ACSL5: variants seen among roughly 807,000 people sequenced by gnomAD.
The protein encoded by ACSL5 is long-chain-fatty-acid--CoA ligase 5.
In ACSL5, 50 loss-of-function variants were observed where a neutral mutation model predicts 84.9. The observed-to-expected ratio is 0.59, with a 90% CI of 0.47 to 0.75. The LOEUF (loss-of-function observed/expected upper bound fraction) is 0.75. Ranked by LOEUF, ACSL5 falls within the 30% of genes least tolerant of loss-of-function variation. The pLI, the probability that ACSL5 is intolerant of heterozygous loss-of-function variation, is 0.00. For synonymous variants in ACSL5, 280 were observed against 300.7 expected (o/e 0.93, Z 0.71); for missense variants, 775 against 830.4 (o/e 0.93, Z 0.82).
At chr10:112,390,457 G>A (rs1261668016) in intron 1 of ACSL5, among the ~76,000 whole-genome samples, 1 of 152,186 alleles carries the variant, frequency 6.6e-6, no homozygotes, top group Non-Finnish European at 1.5e-5. Context: ...TGCAGCTACT[G>A]TGGAAAACAC....
chr10:112,409,488 G>T lies in ACSL5; in HGVS notation c.533-19G>T. 1 of 1,611,462 alleles carries T rather than the reference G, an allele frequency of 6.2e-7. No individual in the cohort carries two copies. The highest frequency in any genetic ancestry group is 8.5e-7 in the Non-Finnish European group (1 of 1,179,050). ...TAGCAGAGAGAGGGAATGACCTCTG[G>T]TTCTATTTTGGCTTCCAGCTGATAT... On this transcript the variant is annotated intron_variant, in intron 6 of 20. Coordinates refer to ENST00000354655, the MANE Select transcript of ACSL5 (RefSeq NM_203379.2).
At chr10:112,382,722 C>T (rs1172639349) in intron 1 of ACSL5, among the ~76,000 whole-genome samples, 4 of 152,208 alleles carry the variant, frequency 2.6e-5, no homozygotes, top group Non-Finnish European at 5.9e-5. Context: ...TGTCTGAAGC[C>T]TAGACTCTTA....
intron 1 of ACSL5, among the ~76,000 whole-genome samples, chr10:112,377,158 C>CT (rs1564728155): frequency 6.6e-6 from 1 of 151,894 alleles, no homozygotes; most frequent in Admixed American, 6.6e-5. Flanking sequence ...AGATATCAGC[C>CT]TTTTTTTGGT....
chr10:112,408,856 C>T (rs1043053070), intron 6 of ACSL5: 3 of 195,636 alleles, frequency 1.5e-5, no homozygotes, highest in African/African-American at 2.3e-5. Context: ...AGTAAAGCTA[C>T]AGATTTAATT....
rs557174813 is a variant in ACSL5, at chr10:112,377,482, C to T, written c.-30+3213C>T. Among the ~76,000 whole-genome samples, 6 of 152,212 alleles carry T rather than the reference C, an allele frequency of 3.9e-5. No individual in the cohort carries two copies. The South Asian group carries it at 8.3e-4, about 21-fold the overall frequency. ...CTAGGAGGCGGAGGTTGCAGTGAGCCGAGATGGCACCACTGCACTCCAGTT... is the reference window on the plus strand; with the variant it reads ...CTAGGAGGCGGAGGTTGCAGTGAGCTGAGATGGCACCACTGCACTCCAGTT... On this transcript the variant is annotated intron_variant, in intron 1 of 20. Coordinates refer to ENST00000354655, the MANE Select transcript of ACSL5 (RefSeq NM_203379.2).
At chr10:112,388,269 C>T (rs1466075671) in intron 1 of ACSL5, among the ~76,000 whole-genome samples, 1 of 152,186 alleles carries the variant, frequency 6.6e-6, no homozygotes, top group Non-Finnish European at 1.5e-5. Context: ...GCTGGACTTT[C>T]TACCTACTTA....
intron 1 of ACSL5, among the ~76,000 whole-genome samples, chr10:112,388,809 C>T (rs761266502): frequency 5.9e-5 from 9 of 152,024 alleles, no homozygotes; most frequent in Non-Finnish European, 1.2e-4. Context: ...AGTGAGCCTC[C>T]GAGGAAGTGA....
chr10:112,391,583 A>G (rs930004307), intron 1 of ACSL5, among the ~76,000 whole-genome samples: 2 of 152,174 alleles, frequency 1.3e-5, no homozygotes, highest in Admixed American at 1.3e-4. Context: ...ATGTGTAAAT[A>G]TCTCCCTTGT....
At chr10:112,384,959 C>A (rs1849421476) in intron 1 of ACSL5, among the ~76,000 whole-genome samples, 1 of 152,190 alleles carries the variant, frequency 6.6e-6, no homozygotes. Context: ...CTTTTCATAT[C>A]ATTACCTACA....
intron 12 of ACSL5, among the ~76,000 whole-genome samples, chr10:112,415,114 T>C (rs1369093814): frequency 6.6e-6 from 1 of 152,266 alleles, no homozygotes; most frequent in Non-Finnish European, 1.5e-5. Context: ...ATGTTGTTGT[T>C]GTTGTACATT....
At chr10:112,426,166 T>A (rs1844694035) in intron 18 of ACSL5, 92 bp from the exon 19 acceptor site, 2 of 992,606 alleles carry the variant, frequency 2.0e-6, no homozygotes, top group African/African-American at 3.2e-5. Flanking sequence ...AAATAACTAT[T>A]ACAATGACAT....
At chr10:112,386,956 C>T (rs976647021) in intron 1 of ACSL5, among the ~76,000 whole-genome samples, 7 of 152,162 alleles carry the variant, frequency 4.6e-5, no homozygotes, top group African/African-American at 1.7e-4. Context: ...CTAGTTACCT[C>T]TTATTTCCTT....
chr10:112,411,264 A>C, intron 9 of ACSL5, 192 bp from the exon 10 acceptor site: 1 of 587,778 alleles, frequency 1.7e-6, no homozygotes, highest in Non-Finnish European at 3.0e-6. Context: ...CCAACGATGC[A>C]TTCAGCAGTA....
chr10:112,399,078 G>A, intron 3 of ACSL5, 69 bp downstream of exon 3: 3 of 1,337,268 alleles, frequency 2.2e-6, no homozygotes, highest in Non-Finnish European at 3.2e-6. Flanking sequence ...CTCTTTCTCT[G>A]TCTCACTTCT....
chr10:112,414,572 G>T (rs1269976476), intron 12 of ACSL5, among the ~76,000 whole-genome samples: 1 of 151,772 alleles, frequency 6.6e-6, no homozygotes, highest in African/African-American at 2.4e-5. Context: ...TGGCCAGGCT[G>T]GTCTCGAACT....
chr10:112,416,511 G>A (rs557600264), intron 12 of ACSL5, among the ~76,000 whole-genome samples: 1 of 149,828 alleles, frequency 6.7e-6, no homozygotes, highest in Admixed American at 6.6e-5. Flanking sequence ...TTCGTAGGCT[G>A]CCCTTTGACC....
intron 2 of ACSL5, among the ~76,000 whole-genome samples, chr10:112,398,692 A>T (rs1408700542): frequency 6.6e-6 from 1 of 152,224 alleles, no homozygotes; most frequent in Non-Finnish European, 1.5e-5. Context: ...GGCGTGAGCC[A>T]CCGAGCCCAG....
intron 1 of ACSL5, chr10:112,375,266 C>G (rs1319791172): frequency 1.3e-5 from 2 of 152,036 alleles, no homozygotes. Flanking sequence ...GTGAGATGAG[C>G]CAGAGGATGG....
chr10:112,426,183 G>A (rs1844695965), intron 18 of ACSL5, 75 bp from the exon 19 acceptor site: 1 of 1,153,042 alleles, frequency 8.7e-7, no homozygotes, highest in East Asian at 2.4e-5. Context: ...ACATAATTCT[G>A]CTTTATTTAA....
Sources: allele counts gnomAD v4.1 joint callset (sites outside exome capture counted in the v4.1 genomes callset), GRCh38; gene constraint gnomAD v4.1.1; transcripts MANE v1.5; gene names NCBI Gene and HGNC (gene_info 2026-07-23, HGNC 2026-07-21).